The following MTUS1 variants were observed in gnomAD, a reference collection of about 807,000 sequenced individuals.
The protein encoded by MTUS1 is microtubule-associated tumor suppressor 1.
A neutral mutation model predicts 120.8 loss-of-function variants in MTUS1; 109 were observed. That is an observed-to-expected ratio of 0.90 (90% CI 0.77 to 1.06). The LOEUF is 1.06. Among genes scored for constraint, MTUS1 ranks in the 50% least tolerant of loss-of-function variants. MTUS1 has a pLI of 0.00. For synonymous variants in MTUS1, 737 were observed against 550.5 expected (o/e 1.34, Z -4.74); for missense variants, 2,210 against 1,486.3 (o/e 1.49, Z -8.01).
At chr8:17,679,949 C>A (rs1813998176) in intron 7 of MTUS1, among the ~76,000 whole-genome samples, 1 of 152,198 alleles carries the variant, frequency 6.6e-6, no homozygotes, top group Non-Finnish European at 1.5e-5. Context: ...CATATGTTCA[C>A]TCACATATAT....
chr8:17,646,296 C>G (rs1805777504), intron 14 of MTUS1, among the ~76,000 whole-genome samples, 157 bp from the exon 15 acceptor site: 1 of 152,042 alleles, frequency 6.6e-6, no homozygotes, highest in East Asian at 1.9e-4. Flanking sequence ...GCTAAGAAAA[C>G]CCAAACACAG....
At chr8:17,793,285 T>C (rs1464013913) in intron 1 of MTUS1, among the ~76,000 whole-genome samples, 2 of 152,166 alleles carry the variant, frequency 1.3e-5, no homozygotes, top group African/African-American at 4.8e-5. Context: ...CTTCCAGCTC[T>C]GATGCTCTGC....
chr8:17,656,099 C>A lies in MTUS1; in HGVS notation c.2906-34G>T, dbSNP rs373442914. 2.8e-5 allele frequency: 45 copies of A among 1,596,642 alleles called. No individual in the cohort carries two copies. In the African/African-American group the frequency reaches 2.9e-4, roughly 10 times the overall value. ...AGAGGAGAAAGAAGAGGGAAGAGGT[C>A]ATTTTATTTGTGAAATGTCCTATAT... On this transcript the variant is annotated intron_variant, in intron 8 of 14. Transcript: ENST00000693296.
intron 1 of MTUS1, among the ~76,000 whole-genome samples, chr8:17,781,121 C>T (rs389236): frequency 0.3 from 46,084 of 151,978 alleles, 9,398 homozygotes; most frequent in African/African-American, 0.55. Context: ...TTTTTGACCA[C>T]GGATTATTTA....
chr8:17,691,889 AAAGTTG>A (rs1817013536), intron 6 of MTUS1: 1 of 152,262 alleles, frequency 6.6e-6, no homozygotes, highest in Admixed American at 6.5e-5. Flanking sequence ...AGCCACATTT[AAAGTTG>A]AACACATTCT....
chr8:17,755,113 T>C lies in MTUS1; in HGVS notation c.695A>G (p.Gln232Arg), dbSNP rs1563331772. ...TYDRESFENPQVTPSEAQDMT... is the reference protein window; with the variant it reads ...TYDRESFENPRVTPSEAQDMT... ...GTCTTGGGCTTCTGATGGTGTGACTTGAGGGTTTTCAAAGCTTTCTCTATC... is the reference window on the plus strand; with the variant it reads ...GTCTTGGGCTTCTGATGGTGTGACTCGAGGGTTTTCAAAGCTTTCTCTATC... Residue 232 changes from glutamine (Q) to arginine (R), a missense_variant, in exon 2 of 15, where the codon CAA becomes CGA. Gln to Arg is a conservative substitution (Grantham distance 43, BLOSUM62 1). Coordinates refer to ENST00000693296, the MANE Select transcript of MTUS1 (RefSeq NM_001363059.2). 1 of 1,613,994 alleles carries C rather than the reference T, an allele frequency of 6.2e-7. No individual in the cohort carries two copies. The highest frequency in any genetic ancestry group is 8.5e-7 in the Non-Finnish European group (1 of 1,180,024).
At chr8:17,646,252 C>T in intron 14 of MTUS1, 113 bp from the exon 15 acceptor site, 1 of 1,149,546 alleles carries the variant, frequency 8.7e-7, no homozygotes, top group Non-Finnish European at 1.2e-6. Flanking sequence ...TGGGATAAAA[C>T]AGAATCCTGC....
Position 17,754,824 on chromosome 8 carries a change from G to C in MTUS1, c.984C>G (p.Tyr328Ter). The change falls in exon 2 of 15, where the codon TAC becomes TAG. Residue 328 changes from tyrosine (Y) to a stop codon, truncating the protein, a stop_gained. Coordinates refer to ENST00000693296, the MANE Select transcript of MTUS1 (RefSeq NM_001363059.2). LOFTEE classifies it high-confidence loss of function. ...SNSEPHSQSS[Y>*]RHKEMGQNLR... is the part of the protein sequence containing the mutation. ...GATTTTGGCCCATTTCCTTGTGCCT[G>C]TATGAGCTCTGTGAATGTGGTTCGC... 6.2e-7 allele frequency: 1 copy of C among 1,614,230 alleles called. No homozygotes were observed. Among genetic ancestry groups the C allele is most frequent in the Non-Finnish European group, 8.5e-7 (1 of 1,180,044 alleles).
chr8:17,743,885 G>T (rs1464604645), intron 2 of MTUS1, 86 bp from the exon 3 acceptor site: 2 of 1,190,626 alleles, frequency 1.7e-6, no homozygotes, highest in East Asian at 4.7e-5. Context: ...TCTAGGCCAA[G>T]GCAATTCCAA....
At chr8:17,769,906 ACACACACAC>A in intron 1 of MTUS1, among the ~76,000 whole-genome samples, 1 of 109,970 alleles carries the variant, frequency 9.1e-6, no homozygotes, top group Non-Finnish European at 1.9e-5. Flanking sequence ...ACACACACAC[ACACACACAC>A]ACACACACAC....
At chr8:17,665,018 C>G (rs1394608425) in intron 8 of MTUS1, among the ~76,000 whole-genome samples, 1 of 152,204 alleles carries the variant, frequency 6.6e-6, no homozygotes, top group Non-Finnish European at 1.5e-5. Flanking sequence ...ACCACCTGTT[C>G]TGCCAACAGT....
intron 1 of MTUS1, among the ~76,000 whole-genome samples, chr8:17,787,709 A>C (rs2051423363): frequency 1.3e-5 from 2 of 152,230 alleles, no homozygotes; most frequent in Admixed American, 6.5e-5. Context: ...AAATTTTTGG[A>C]AACTTTCTAA....
At chr8:17,774,906 G>C (rs11996374) in intron 1 of MTUS1, among the ~76,000 whole-genome samples, 2 of 139,714 alleles carry the variant, frequency 1.4e-5, no homozygotes, top group Admixed American at 1.6e-4. Context: ...ATATTATTCA[G>C]CCATAAAAAA....
chr8:17,680,290 C>G (rs1017952377), intron 7 of MTUS1, among the ~76,000 whole-genome samples: 1 of 151,768 alleles, frequency 6.6e-6, no homozygotes, highest in African/African-American at 2.4e-5. Context: ...ATGGTGAAAC[C>G]TCATCTCTAC....
intron 3 of MTUS1, among the ~76,000 whole-genome samples, chr8:17,731,318 C>G (rs1187725256): frequency 6.6e-6 from 1 of 152,180 alleles, no homozygotes; most frequent in Non-Finnish European, 1.5e-5. Context: ...GCAGGTTCCT[C>G]ACCGTTCTGC....
intron 4 of MTUS1, chr8:17,721,841 T>C (rs1423286880): frequency 9.9e-6 from 16 of 1,614,126 alleles, no homozygotes; most frequent in Non-Finnish European, 1.4e-5. Flanking sequence ...GTAGAATTGA[T>C]AAAGATTTTT....
At chr8:17,739,663 T>C (rs1281166190) in intron 3 of MTUS1, among the ~76,000 whole-genome samples, 1 of 152,182 alleles carries the variant, frequency 6.6e-6, no homozygotes, top group Non-Finnish European at 1.5e-5. Flanking sequence ...AACTTTTCTG[T>C]GGAAGATTCC....
chr8:17,738,930 G>T (rs2047115692), intron 3 of MTUS1, among the ~76,000 whole-genome samples: 1 of 151,870 alleles, frequency 6.6e-6, no homozygotes. Context: ...CTTAAGCCCA[G>T]GAGTTCAAGA....
intron 8 of MTUS1, among the ~76,000 whole-genome samples, chr8:17,657,790 A>C (rs1808723415): frequency 1.7e-5 from 2 of 117,324 alleles, no homozygotes; most frequent in African/African-American, 6.1e-5. Context: ...ACAGAGCAAG[A>C]CCCTATCTCA....
Sources: allele counts gnomAD v4.1 joint callset (sites outside exome capture counted in the v4.1 genomes callset), GRCh38; gene constraint gnomAD v4.1.1; transcripts MANE v1.5; gene names NCBI Gene and HGNC (gene_info 2026-07-23, HGNC 2026-07-21).